Variants in DCDC1 observed in about 807,000 individuals in gnomAD.
DCDC1 encodes the protein doublecortin domain-containing protein 1.
DCDC1 carries 200 observed loss-of-function variants against 178.3 expected under a neutral mutation model. That is an observed-to-expected ratio of 1.12 (90% confidence interval 1.00 to 1.26). The LOEUF is 1.26. Among genes scored for constraint, DCDC1 ranks in the 50% most tolerant of loss-of-function variants. The pLI is 0.00. For missense variants in DCDC1, 1,983 were observed against 1,749.2 expected, an observed-to-expected ratio of 1.13 and a Z score of -2.38; for synonymous variants, 690 against 604.8, an observed-to-expected ratio of 1.14 and a Z score of -2.07.
chr11:31,093,919 T>C (rs1957969689), intron 16 of DCDC1, 131 bp downstream of exon 16: 2 of 660,078 alleles, frequency 3.0e-6, no homozygotes, highest in Non-Finnish European at 5.5e-6. Flanking sequence ...AGAGATGGCA[T>C]CTATAACAGC....
At chr11:30,875,357 C>A (rs766540603) in intron 38 of DCDC1, among the ~76,000 whole-genome samples, 1 of 152,090 alleles carries the variant, frequency 6.6e-6, no homozygotes, top group Non-Finnish European at 1.5e-5. Flanking sequence ...TTTTCAAAGC[C>A]AGGAGGGAAC....
Position 31,328,945 on chromosome 11 carries a change from CTTTTTTTTTTTT to C in DCDC1, c.-6-671_-6-660del, listed in dbSNP as rs1176942329. 5.5e-3 allele frequency among the ~76,000 whole-genome samples: 262 copies of C among 47,784 alleles called. 2 individuals are homozygous for C. The highest frequency in any genetic ancestry group is 0.017 in the African/African-American group (234 of 13,666). 31.3% of individuals were successfully genotyped at this position (47,784 alleles called of 152,430 possible). A position where few individuals can be genotyped will look rare whatever the true frequency, so the allele number is the denominator to read the frequency against. ...GTTACTGAAAAAGCACACCACAAGGCTTTTTTTTTTTTTTTTTTTTTTTTTTTTTGTCTGTCC... is the reference window on the plus strand; with the variant it reads ...GTTACTGAAAAAGCACACCACAAGGCTTTTTTTTTTTTTTTTTGTCTGTCC... On this transcript the variant is annotated intron_variant, in intron 2 of 38. Coordinates refer to ENST00000684477, the MANE Select transcript of DCDC1 (RefSeq NM_001387274.1).
At chr11:31,246,718 A>G (rs1404242234) in intron 8 of DCDC1, among the ~76,000 whole-genome samples, 4 of 152,038 alleles carry the variant, frequency 2.6e-5, no homozygotes, top group Non-Finnish European at 5.9e-5. Context: ...AGATTGAATG[A>G]CGGAGAACAC....
intron 21 of DCDC1, among the ~76,000 whole-genome samples, chr11:30,933,115 T>C (rs1006931271): frequency 6.6e-5 from 10 of 151,400 alleles, no homozygotes; most frequent in African/African-American, 2.4e-4. Flanking sequence ...TTCTCTTCAG[T>C]TTGTCAGTTT....
Position 31,305,602 on chromosome 11 carries a change from A to AGATCTTTTTTACCTTTAATTTTTTT in DCDC1, c.742_754+12dup, listed in dbSNP as rs775100707. Reference sequence around the variant, plus strand: ...TATGTGTGGGGGTAGGGTATTTTTTAGATCTTTTTTACCTTTAATTTTTTT... The same window carrying AGATCTTTTTTACCTTTAATTTTTTT: ...TATGTGTGGGGGTAGGGTATTTTTTAGATCTTTTTTACCTTTAATTTTTTTGATCTTTTTTACCTTTAATTTTTTT... On this transcript the variant is annotated intron_variant, in intron 6 of 38. Transcript: ENST00000684477. The AGATCTTTTTTACCTTTAATTTTTTT allele has an allele frequency of 6.2e-7, 1 of 1,612,504 alleles. No individual in the cohort carries two copies. Among genetic ancestry groups the AGATCTTTTTTACCTTTAATTTTTTT allele is most frequent in the Non-Finnish European group, 8.5e-7 (1 of 1,179,174 alleles).
intron 9 of DCDC1, among the ~76,000 whole-genome samples, chr11:31,231,830 A>G (rs1016009058): frequency 5.9e-5 from 9 of 152,226 alleles, no homozygotes; most frequent in Non-Finnish European, 1.0e-4. Context: ...TCCCACCACC[A>G]TGTGTGAAAG....
intron 8 of DCDC1, among the ~76,000 whole-genome samples, chr11:31,250,280 T>C (rs888057406): frequency 4.2e-5 from 6 of 142,420 alleles, no homozygotes; most frequent in African/African-American, 1.2e-4. Context: ...GAGAATTATA[T>C]TACTTAGTAT....
rs1957817076 is a variant in DCDC1, at chr11:31,091,444, T to C, written c.2186A>G (p.Lys729Arg). The C allele has an allele frequency of 1.3e-6, 1 of 762,040 alleles. No individual in the cohort carries two copies. The highest frequency in any genetic ancestry group is 1.7e-5 in the African/African-American group (1 of 59,188). 47.2% of individuals were successfully genotyped at this position (762,040 alleles called of 1,614,324 possible). A position where few individuals can be genotyped will look rare whatever the true frequency, so the allele number is the denominator to read the frequency against. ...TTCTAGTGATGTTCCCTCAGCAGCC[T>C]TGACTCTGATAGGATGACCAATAGC... ...CLAIGHPIRV[K>R]AAEGTSLEGY... Residue 729 changes from lysine to arginine, a missense_variant, in exon 17 of 39, where the codon AAG (lysine) becomes AGG (arginine). Transcript: ENST00000684477.
rs117770082 is a variant in DCDC1 at position 31,202,539 on chromosome 11, C to A, written c.1221+38911G>T. On this transcript the variant is annotated intron_variant, in intron 9 of 38. Transcript: ENST00000684477. ...TGAGCCAAGATTGCGCCATTACACA[C>A]CAGCCTAGGCATCAAAGCGAGACCC... 5.9e-5 allele frequency among the ~76,000 whole-genome samples: 9 copies of A among 152,262 alleles called. No individual in the cohort carries two copies. The East Asian group carries it at 1.7e-3, about 29-fold the overall frequency.
intron 9 of DCDC1, among the ~76,000 whole-genome samples, chr11:31,154,873 G>A (rs1965559642): frequency 6.6e-6 from 1 of 152,164 alleles, no homozygotes; most frequent in Non-Finnish European, 1.5e-5. Context: ...GCTGTGAAAG[G>A]CTAATGTGGA....
chr11:31,120,335 CAGA>C (rs1405430025), intron 11 of DCDC1, among the ~76,000 whole-genome samples: 3 of 152,040 alleles, frequency 2.0e-5, no homozygotes. Flanking sequence ...TGCTCATGGT[CAGA>C]GTGGATTTAA....
chr11:31,211,546 A>G (rs1033901173), intron 9 of DCDC1, among the ~76,000 whole-genome samples: 10 of 152,210 alleles, frequency 6.6e-5, no homozygotes, highest in African/African-American at 2.4e-4. Flanking sequence ...AATCGAGATT[A>G]CATGAGTTAA....
At position 31,250,428 on chromosome 11, in the gene DCDC1, A is replaced by ATG. The variant is rs200367287; in HGVS notation, c.1055-8814_1055-8813dup. On this transcript the variant is annotated intron_variant, in intron 8 of 38. Transcript: ENST00000684477. ...CACACACACACACATATACATATAT[A>ATG]TGTATATATATATATATCCCTGCCT... Among the ~76,000 whole-genome samples the ATG allele has an allele frequency of 2.5e-5, 3 of 117,682 alleles. 1 individual carries two copies. The highest frequency in any genetic ancestry group is 3.2e-4 in the South Asian group (1 of 3,168). The allele number at this position is 117,682 out of a possible 152,430, so 77.2% of individuals were successfully genotyped here. A position where few individuals can be genotyped will look rare whatever the true frequency, so the allele number is the denominator to read the frequency against.
At chr11:31,307,241 C>T (rs1037298040) in intron 4 of DCDC1, among the ~76,000 whole-genome samples, 1 of 152,126 alleles carries the variant, frequency 6.6e-6, no homozygotes, top group Non-Finnish European at 1.5e-5. Context: ...TTTATGATAA[C>T]AATTTGATGT....
At chr11:31,166,549 G>A (rs963636463) in intron 9 of DCDC1, among the ~76,000 whole-genome samples, 24 of 152,210 alleles carry the variant, frequency 1.6e-4, no homozygotes, top group Admixed American at 1.2e-3. Context: ...AAACAGCCTC[G>A]CTATAGGAGT....
intron 3 of DCDC1, among the ~76,000 whole-genome samples, chr11:31,312,503 C>T (rs960016071): frequency 1.3e-5 from 2 of 152,156 alleles, no homozygotes; most frequent in Admixed American, 1.3e-4. Context: ...AAGAGATTAG[C>T]ATTTGAACTG....
chr11:31,036,388 A>G (rs1954025690), intron 20 of DCDC1, among the ~76,000 whole-genome samples: 1 of 152,196 alleles, frequency 6.6e-6, no homozygotes, highest in South Asian at 2.1e-4. Context: ...TCTCCTGAAC[A>G]TTACTTAGAG....
chr11:30,910,357 C>T (rs273603), intron 28 of DCDC1, among the ~76,000 whole-genome samples: 91,608 of 151,848 alleles, frequency 0.6, 28,753 homozygotes, highest in Middle Eastern at 0.77. Context: ...TGATGAGGCA[C>T]CTGACAGAGA....
Position 30,915,558 on chromosome 11 carries a change from C to T in DCDC1, c.3606G>A (p.Lys1202=). 1 of 1,613,932 alleles carries T rather than the reference C, an allele frequency of 6.2e-7. No homozygotes were observed. Residue 1202 remains lysine (K), a synonymous_variant, in exon 27 of 39, where the codon AAG becomes AAA. Transcript: ENST00000684477. ...RSGMEVVLVE[K]KSDGSHQRWI... The stretch of plus-strand genomic sequence containing the variant: ...AGCGCTGATGACTACCATCAGATTT[C>T]TTCTCCACCAAAACCACCTCCATGC...
Sources: gnomAD v4.1 joint callset for allele counts (sites outside exome capture counted in the v4.1 genomes callset) on GRCh38, gnomAD v4.1.1 for gene constraint, MANE v1.5 for transcripts, NCBI Gene and HGNC (gene_info 2026-07-23, HGNC 2026-07-21) for gene names.